Variants in SLAMF1 observed in about 807,000 individuals in gnomAD.
SLAMF1 encodes the protein signaling lymphocytic activation molecule family member 1, also known as signaling lymphocytic activation molecule.
In SLAMF1, 18 loss-of-function variants were observed where a neutral mutation model predicts 35.1. The ratio of observed to expected loss-of-function variants is 0.51; its 90% CI spans 0.35 to 0.76. The LOEUF is 0.76. Ranked by LOEUF, SLAMF1 falls within the 30% of genes least tolerant of loss-of-function variation. SLAMF1 has a pLI of 0.01. For missense variants in SLAMF1, 392 were observed against 413.0 expected, an observed-to-expected ratio of 0.95 and a Z score of 0.44; for synonymous variants, 168 against 157.2, an observed-to-expected ratio of 1.07 and a Z score of -0.51.
At chr1:160,618,843 G>A (rs930908039) in intron 5 of SLAMF1, among the ~76,000 whole-genome samples, 2 of 152,142 alleles carry the variant, frequency 1.3e-5, no homozygotes, top group South Asian at 2.1e-4. Flanking sequence ...AGATGAGAGC[G>A]TGGGGTGAAA....
At chr1:160,620,775 T>A (rs1405179162) in intron 4 of SLAMF1, among the ~76,000 whole-genome samples, 1 of 152,234 alleles carries the variant, frequency 6.6e-6, no homozygotes, top group African/African-American at 2.4e-5. Flanking sequence ...TCTGAGATGA[T>A]GGAAATGTTC....
At position 160,629,884 on chromosome 1, in the gene SLAMF1, A is replaced by G. The variant is rs545737171; in HGVS notation, c.700+4729T>C. On this transcript the variant is annotated intron_variant, in intron 3 of 6. Transcript: ENST00000302035. ...GCTCGCTAAATTGGGAAGACCCTAG[A>G]GAGAGACCTGTCTTAGTGCCTGGAA... Among the ~76,000 whole-genome samples, 18 of 152,312 alleles carry G rather than the reference A, an allele frequency of 1.2e-4. No individual in the cohort carries two copies. In the East Asian group the frequency reaches 3.5e-3, roughly 29 times the overall value.
At chr1:160,623,338 G>T (rs1297952335) in intron 4 of SLAMF1, among the ~76,000 whole-genome samples, 2 of 152,160 alleles carry the variant, frequency 1.3e-5, no homozygotes. Context: ...TGAGACACAA[G>T]TAGGTCGCTG....
chr1:160,631,263 A>C (rs561080316), intron 3 of SLAMF1, among the ~76,000 whole-genome samples: 146 of 152,338 alleles, frequency 9.6e-4, no homozygotes, highest in Non-Finnish European at 2.0e-3. Context: ...GCAGGCCACA[A>C]ACCAGCTGTG....
chr1:160,635,751 T>G (rs1660419996), intron 2 of SLAMF1, among the ~76,000 whole-genome samples: 1 of 151,102 alleles, frequency 6.6e-6, no homozygotes, highest in African/African-American at 2.4e-5. Flanking sequence ...TTTTTTTTTT[T>G]TGTATTTTTA....
At chr1:160,619,911 G>T in intron 4 of SLAMF1, 62 bp from the exon 5 acceptor site, 1 of 1,130,400 alleles carries the variant, frequency 8.8e-7, no homozygotes, top group Non-Finnish European at 1.4e-6. Flanking sequence ...TCCTTACTCA[G>T]ACCTGGTCTT....
At position 160,634,807 on chromosome 1, in the gene SLAMF1, C is replaced by T; in HGVS notation, c.506G>A (p.Gly169Glu). The T allele has an allele frequency of 3.7e-6, 6 of 1,614,114 alleles. No homozygotes were observed. The highest frequency in any genetic ancestry group is 5.1e-6 in the Non-Finnish European group (6 of 1,180,006). ...ACTCCAGCTGTAAGCCACATGGTCC[C>T]CCTTCTCCACTGTGCAGCCCAGTAT... is the stretch of plus-strand genomic sequence containing the variant. ...TLILGCTVEK[G>E]DHVAYSWSEK... Residue 169 changes from glycine to glutamate, a missense_variant, in exon 3 of 7, where the codon GGG becomes GAG. By Grantham distance (98) the Gly-to-Glu change is moderately conservative (BLOSUM62 -2). Coordinates refer to ENST00000302035, the MANE Select transcript of SLAMF1 (RefSeq NM_003037.5).
Position 160,610,750 on chromosome 1 carries a change from A to G in SLAMF1, c.1006T>C (p.Ter336ArgextTer20). Residue 336 changes from the stop codon to arginine, a stop_lost, in exon 7 of 7, where the codon TGA (stop) becomes CGA (arginine). Transcript: ENST00000302035. Reference protein sequence around the residue: ...VYASVTLPES* With the variant: ...VYASVTLPESR The stretch of plus-strand genomic sequence containing the variant: ...AGTCCCTTTGTTGGTCTCTGGTGTC[A>G]GCTCTCTGGAAGTGTCACACTAGCA... 1 of 1,611,814 alleles carries G rather than the reference A, an allele frequency of 6.2e-7. No individual in the cohort carries two copies. The highest frequency in any genetic ancestry group is 2.2e-5 in the East Asian group (1 of 44,858).
At chr1:160,617,878 G>A (rs1457491935) in intron 5 of SLAMF1, among the ~76,000 whole-genome samples, 3 of 152,140 alleles carry the variant, frequency 2.0e-5, no homozygotes, top group East Asian at 1.9e-4. Flanking sequence ...TTTGAGACCA[G>A]CCTGGCCAAC....
intron 5 of SLAMF1, among the ~76,000 whole-genome samples, chr1:160,617,163 AATT>A (rs753894807): frequency 6.8e-6 from 1 of 146,628 alleles, no homozygotes; most frequent in Non-Finnish European, 1.5e-5. Flanking sequence ...CTCAAAAAAA[AATT>A]TAAAAAAAAA....
chr1:160,640,078 C>G (rs1660659016), intron 1 of SLAMF1, among the ~76,000 whole-genome samples: 1 of 152,004 alleles, frequency 6.6e-6, no homozygotes, highest in Non-Finnish European at 1.5e-5. Context: ...CTTTGTGTTT[C>G]TTTCTGCACT....
At chr1:160,612,732 C>A (rs1659070919) in intron 5 of SLAMF1, 152 bp from the exon 6 acceptor site, 2 of 581,042 alleles carry the variant, frequency 3.4e-6, no homozygotes, top group Non-Finnish European at 6.2e-6. Flanking sequence ...GGGAATTCTC[C>A]CCCAAATTCT....
rs1658949448 is a variant in SLAMF1 at position 160,610,923 on chromosome 1, C to T, written c.958-125G>A. On this transcript the variant is annotated intron_variant, in intron 6 of 6. Transcript: ENST00000302035. ...AGATCATGGCTTGTGCAGGGTCTGT[C>T]ACAGACAGGGCCTTGCTGGGACAGC... 13 of 764,868 alleles carry T rather than the reference C, an allele frequency of 1.7e-5. No homozygotes were observed. In the Admixed American group the frequency reaches 2.7e-4, roughly 16 times the overall value. 47.4% of individuals were successfully genotyped at this position (764,868 alleles called of 1,614,324 possible).
At chr1:160,627,819 A>G (rs1220963050) in intron 3 of SLAMF1, among the ~76,000 whole-genome samples, 1 of 152,046 alleles carries the variant, frequency 6.6e-6, no homozygotes, top group Non-Finnish European at 1.5e-5. Context: ...CATCAGTGAT[A>G]TGGTTTGGCC....
intron 4 of SLAMF1, among the ~76,000 whole-genome samples, chr1:160,621,385 C>G (rs532887159): frequency 1.3e-5 from 2 of 151,912 alleles, no homozygotes; most frequent in Non-Finnish European, 2.9e-5. Context: ...ATGGGGAAAC[C>G]CTGTCTCTAC....
intron 3 of SLAMF1, among the ~76,000 whole-genome samples, chr1:160,628,699 A>T (rs552322675): frequency 3.0e-4 from 46 of 152,342 alleles, no homozygotes; most frequent in African/African-American, 1.0e-3. Flanking sequence ...GTCCACAAAA[A>T]TGGATCTAGA....
chr1:160,643,201 T>C (rs1168520665), intron 1 of SLAMF1, among the ~76,000 whole-genome samples: 1 of 152,138 alleles, frequency 6.6e-6, no homozygotes, highest in East Asian at 1.9e-4. Context: ...AAAGGTCTGC[T>C]CCTTATTCCA....
intron 3 of SLAMF1, among the ~76,000 whole-genome samples, chr1:160,631,643 A>G (rs938411917): frequency 1.3e-5 from 2 of 152,170 alleles, no homozygotes; most frequent in Admixed American, 1.3e-4. Context: ...AAATCTGGAC[A>G]CACAAAGAGA....
chr1:160,618,676 T>G (rs866665932), intron 5 of SLAMF1, among the ~76,000 whole-genome samples: 2 of 152,114 alleles, frequency 1.3e-5, no homozygotes, highest in Non-Finnish European at 2.9e-5. Context: ...ATTTTAAATT[T>G]TATTTAATTC....
Sources: allele counts gnomAD v4.1 joint callset (sites outside exome capture counted in the v4.1 genomes callset), GRCh38; gene constraint gnomAD v4.1.1; transcripts MANE v1.5; gene names NCBI Gene and HGNC (gene_info 2026-07-23, HGNC 2026-07-21).